ADARB1: variants seen among roughly 807,000 people sequenced by gnomAD.
The protein encoded by ADARB1 is double-stranded RNA-specific editase 1.
ADARB1 carries 10 observed loss-of-function variants against 52.4 expected under a neutral mutation model. The observed-to-expected ratio is 0.19, with a 90% CI of 0.12 to 0.32. ADARB1 has a LOEUF of 0.32. ADARB1 is among the 10% of genes least tolerant of loss of function. The probability of loss-of-function intolerance (pLI) is 1.00; values close to 1 mark genes in which losing one functional copy is unlikely to be tolerated. For missense variants in ADARB1, 643 were observed against 922.3 expected, an observed-to-expected ratio of 0.70 and a Z score of 3.92; for synonymous variants, 349 against 371.1, an observed-to-expected ratio of 0.94 and a Z score of 0.68.
intron 2 of ADARB1, among the ~76,000 whole-genome samples, chr21:45,134,145 CAG>C (rs1403955482): frequency 9.0e-6 from 1 of 110,668 alleles, no homozygotes; most frequent in Non-Finnish European, 1.8e-5. Context: ...GTGTGCCCGA[CAG>C]TGGTGTGTGC....
chr21:45,078,648 G>T (rs575208538), intron 1 of ADARB1, among the ~76,000 whole-genome samples: 1 of 152,232 alleles, frequency 6.6e-6, no homozygotes, highest in Admixed American at 6.5e-5. Context: ...GAGGCTGGGC[G>T]AGTGGTAGGA....
intron 2 of ADARB1, among the ~76,000 whole-genome samples, chr21:45,168,692 C>CT (rs2091354239): frequency 6.6e-6 from 1 of 152,152 alleles, no homozygotes; most frequent in Admixed American, 6.5e-5. Context: ...GTACCGATGA[C>CT]TGTAGCTTTG....
rs115921510 is a variant in ADARB1 at position 45,203,116 on chromosome 21, T to C, written c.1566-1439T>C. On this transcript the variant is annotated intron_variant, in intron 8 of 10. Transcript: ENST00000348831. ...CCCTGAGACACTCCATGAAATTAGA[T>C]TGGGCCACTCCAGAGGCCTCTCTCT... Among the ~76,000 whole-genome samples the C allele has an allele frequency of 6.9e-3, 1,055 of 152,312 alleles. 16 individuals are homozygous for C. Among genetic ancestry groups the C allele is most frequent in the African/African-American group, 0.024 (1,007 of 41,572 alleles).
At chr21:45,171,400 G>A (rs554884894) in intron 2 of ADARB1, among the ~76,000 whole-genome samples, 47 of 152,294 alleles carry the variant, frequency 3.1e-4, no homozygotes, top group Non-Finnish European at 2.2e-4. Flanking sequence ...TGGAATCCAC[G>A]CGAGAAGTCT....
At chr21:45,080,617 A>G (rs1361246240) in intron 1 of ADARB1, among the ~76,000 whole-genome samples, 1 of 152,262 alleles carries the variant, frequency 6.6e-6, no homozygotes, top group Non-Finnish European at 1.5e-5. Flanking sequence ...TGAACATGCC[A>G]TGGGGCGTAC....
At chr21:45,216,189 A>ATCT (rs2092858756) in intron 9 of ADARB1, among the ~76,000 whole-genome samples, 1 of 151,958 alleles carries the variant, frequency 6.6e-6, no homozygotes, top group African/African-American at 2.4e-5. Context: ...GATGATTTGT[A>ATCT]TCTTCTCTTG....
chr21:45,172,270 A>G lies in ADARB1; in HGVS notation c.28+586A>G, dbSNP rs978470698. Among the ~76,000 whole-genome samples the G allele has an allele frequency of 3.3e-5, 5 of 152,064 alleles. No individual in the cohort carries two copies. The highest frequency in any genetic ancestry group is 1.2e-4 in the African/African-American group (5 of 41,396). Reference sequence around the variant, plus strand: ...GGTACGTTGGTGTTTCGGTGAAGGTACTTATCTCTTCTAGTTCATCTTCAG... The same window carrying G: ...GGTACGTTGGTGTTTCGGTGAAGGTGCTTATCTCTTCTAGTTCATCTTCAG... On this transcript the variant is annotated intron_variant, in intron 3 of 10. Coordinates refer to ENST00000348831, the MANE Select transcript of ADARB1 (RefSeq NM_001112.4). This position sits in a 1 kb window ranked among gnomAD's most constrained non-coding sequence, Gnocchi z 4.4.
At chr21:45,185,813 C>T (rs964238745) in intron 8 of ADARB1, among the ~76,000 whole-genome samples, 1 of 152,252 alleles carries the variant, frequency 6.6e-6, no homozygotes, top group Admixed American at 6.5e-5. Flanking sequence ...TAAAACCTCC[C>T]TCTTCAGAGC....
intron 2 of ADARB1, chr21:45,134,691 T>A (rs1215767834): frequency 4.0e-6 from 1 of 249,736 alleles, no homozygotes; most frequent in South Asian, 4.1e-5. Context: ...TTGCACAGAT[T>A]TTTTTTTTTT....
At position 45,200,041 on chromosome 21, in the gene ADARB1, C is replaced by T. The variant is rs1031594705; in HGVS notation, c.1566-4514C>T. The stretch of plus-strand genomic sequence containing the variant: ...ATAGCAAATGGCCAGAAAAGTTGCC[C>T]GGAAAGAGCCCTGGTGGCCAAAATG... On this transcript the variant is annotated intron_variant, in intron 8 of 10. Transcript: ENST00000348831. The surrounding 1 kb of genome is among the most constrained non-coding windows in gnomAD (Gnocchi z 5.0). Among the ~76,000 whole-genome samples, 2 of 152,202 alleles carry T rather than the reference C, an allele frequency of 1.3e-5. No homozygotes were observed. The highest frequency in any genetic ancestry group is 2.1e-4 in the South Asian group (1 of 4,832).
intron 1 of ADARB1, among the ~76,000 whole-genome samples, chr21:45,111,712 G>A (rs1044554732): frequency 1.3e-5 from 2 of 152,156 alleles, no homozygotes; most frequent in African/African-American, 2.4e-5. Context: ...TTGCCTGTTC[G>A]TTTTTACTGC....
intron 6 of ADARB1, 57 bp from the exon 7 acceptor site, chr21:45,183,305 C>A: frequency 6.7e-7 from 1 of 1,489,948 alleles, no homozygotes; most frequent in Non-Finnish European, 9.0e-7. Flanking sequence ...AAATGATAGA[C>A]TAAAATTTAA....
At chr21:45,107,378 A>G (rs2087305721) in intron 1 of ADARB1, among the ~76,000 whole-genome samples, 1 of 152,216 alleles carries the variant, frequency 6.6e-6, no homozygotes, top group Non-Finnish European at 1.5e-5. Context: ...TCGATTCTAA[A>G]ATTGAAATAG....
intron 1 of ADARB1, among the ~76,000 whole-genome samples, chr21:45,112,970 A>G (rs1382464398): frequency 7.8e-6 from 1 of 128,840 alleles, no homozygotes; most frequent in African/African-American, 3.0e-5. Flanking sequence ...TCATAGGAAG[A>G]TGGCTGGAGT....
At chr21:45,164,518 T>C (rs1459448447) in intron 2 of ADARB1, among the ~76,000 whole-genome samples, 1 of 59,272 alleles carries the variant, frequency 1.7e-5, no homozygotes, top group Admixed American at 1.7e-4. Flanking sequence ...GATTGCACTG[T>C]GCGTGGAGGG....
At position 45,222,684 on chromosome 21, in the gene ADARB1, GA is replaced by G; in HGVS notation, c.*491del. 1.0e-6 allele frequency: 1 copy of G among 986,590 alleles called. No homozygotes were observed. Among genetic ancestry groups the G allele is most frequent in the South Asian group, 4.7e-5 (1 of 21,320 alleles). The allele number at this position is 986,590 out of a possible 1,614,324, so 61.1% of individuals were successfully genotyped here. A position where few individuals can be genotyped will look rare whatever the true frequency, so the allele number is the denominator to read the frequency against. On this transcript the variant is annotated 3_prime_UTR_variant, in exon 11 of 11. Transcript: ENST00000348831. ...AGCATCTATATATGGAGGAGGGTGG[GA>G]AAATAGAGGTAGGAAATAGTAGCCT...
chr21:45,101,328 C>T (rs2087005314), intron 1 of ADARB1, among the ~76,000 whole-genome samples: 1 of 152,224 alleles, frequency 6.6e-6, no homozygotes, highest in Non-Finnish European at 1.5e-5. Flanking sequence ...CTGGCGCTGC[C>T]AAGCTGCCCA....
intron 1 of ADARB1, among the ~76,000 whole-genome samples, chr21:45,088,238 G>A (rs1205193466): frequency 6.6e-6 from 1 of 152,170 alleles, no homozygotes; most frequent in East Asian, 1.9e-4. Context: ...GCAACAGGGA[G>A]CACACCTAAA....
chr21:45,120,935 A>G (rs1024737357), intron 1 of ADARB1: 17 of 152,234 alleles, frequency 1.1e-4, no homozygotes, highest in African/African-American at 4.1e-4. Context: ...CGATTCTCAC[A>G]TCTGAAGCCA....
Sources: gnomAD v4.1 joint callset for allele counts (sites outside exome capture counted in the v4.1 genomes callset) on GRCh38, gnomAD v4.1.1 for gene constraint, Gnocchi (gnomAD v3.1) non-coding constraint, MANE v1.5 for transcripts, NCBI Gene and HGNC (gene_info 2026-07-23, HGNC 2026-07-21) for gene names.